The following TENM2 variants were observed in gnomAD, a reference collection of about 807,000 sequenced individuals.
The protein encoded by TENM2 is teneurin-2.
TENM2 carries 52 observed loss-of-function variants against 245.2 expected under a neutral mutation model. The observed-to-expected ratio is 0.21, with a 90% CI of 0.17 to 0.27. The LOEUF (loss-of-function observed/expected upper bound fraction) is 0.27. TENM2 is among the 10% of genes least tolerant of loss of function. TENM2 has a pLI of 1.00. For synonymous variants in TENM2, 1,363 were observed against 1,438.9 expected (o/e 0.95, Z 1.19); for missense variants, 3,046 against 3,666.8 (o/e 0.83, Z 4.37).
intron 9 of TENM2, among the ~76,000 whole-genome samples, chr5:168,107,865 A>C (rs1261613408): frequency 6.6e-6 from 1 of 152,234 alleles, no homozygotes; most frequent in African/African-American, 2.4e-5. Flanking sequence ...GCACCCTCAG[A>C]TATGACCCTG....
intron 5 of TENM2, among the ~76,000 whole-genome samples, chr5:168,038,991 C>T (rs2151996231): frequency 6.6e-6 from 1 of 152,214 alleles, no homozygotes; most frequent in South Asian, 2.1e-4. Flanking sequence ...AAATCCCAAC[C>T]CTCTCCTCCC....
At chr5:167,824,781 G>C (rs1371932200) in intron 2 of TENM2, among the ~76,000 whole-genome samples, 1 of 152,148 alleles carries the variant, frequency 6.6e-6, no homozygotes, top group Non-Finnish European at 1.5e-5. Flanking sequence ...CAACAGTATG[G>C]TTTATGTGAA....
In TENM2 at chr5:167,646,124, A is replaced by G. The variant is rs376976251; in HGVS notation, c.503-229862A>G. On this transcript the variant is annotated intron_variant, in intron 2 of 28. Coordinates refer to ENST00000518659, the Ensembl canonical transcript of TENM2. The stretch of plus-strand genomic sequence containing the variant: ...TATACACACACACATATATATGTGC[A>G]TATATATGTTTTTATATATATATGT... 2.2e-4 allele frequency among the ~76,000 whole-genome samples: 32 copies of G among 143,816 alleles called. No individual in the cohort carries two copies. The East Asian group carries it at 5.3e-3, about 24-fold the overall frequency. 94.3% of individuals were successfully genotyped at this position (143,816 alleles called of 152,430 possible).
chr5:167,134,703 A>G, the TENM2 span, among the ~76,000 whole-genome samples: 9 of 152,314 alleles, frequency 5.9e-5, no homozygotes, highest in Admixed American at 2.6e-4. Flanking sequence ...GTTTTATTGG[A>G]CAAACACAGT....
At chr5:167,725,359 A>G (rs1299997345) in intron 2 of TENM2, among the ~76,000 whole-genome samples, 1 of 152,194 alleles carries the variant, frequency 6.6e-6, no homozygotes, top group African/African-American at 2.4e-5. Flanking sequence ...TTGAAAGCCT[A>G]TGTGAATACC....
intron 2 of TENM2, among the ~76,000 whole-genome samples, chr5:167,578,929 G>T (rs535302799): frequency 8.4e-4 from 128 of 152,294 alleles, no homozygotes; most frequent in African/African-American, 2.9e-3. Context: ...GTACAATTAA[G>T]TAAGTAGAGT....
chr5:167,071,878 G>GCCCCCCCCCCCCCCCCCCCCCCCCCC, the TENM2 span, among the ~76,000 whole-genome samples: 16 of 124,018 alleles, frequency 1.3e-4, no homozygotes, highest in Admixed American at 2.8e-4. Flanking sequence ...TTGACAAATC[G>GCCCCCCCCCCCCCCCCCCCCCCCCCC]CCCCCCCCCG....
At chr5:167,197,860 A>G in the TENM2 span, among the ~76,000 whole-genome samples, 1 of 152,012 alleles carries the variant, frequency 6.6e-6, no homozygotes, top group African/African-American at 2.4e-5. Flanking sequence ...ATACATATAT[A>G]CATGTGTGTA....
intron 5 of TENM2, among the ~76,000 whole-genome samples, chr5:168,001,179 C>G (rs1453345859): frequency 1.3e-5 from 2 of 152,144 alleles, no homozygotes; most frequent in African/African-American, 4.8e-5. Flanking sequence ...TTTTTGGTTT[C>G]TTGATGTGGT....
chr5:167,034,034 G>A, the TENM2 span, among the ~76,000 whole-genome samples: 2 of 152,122 alleles, frequency 1.3e-5, no homozygotes, highest in Non-Finnish European at 2.9e-5. Flanking sequence ...TCTTTTGGAT[G>A]AAATATTTTT....
Position 167,418,598 on chromosome 5 carries a change from A to G in TENM2, c.502+43125A>G, listed in dbSNP as rs183106714. 8.0e-3 allele frequency among the ~76,000 whole-genome samples: 1,215 copies of G among 152,298 alleles called. 15 individuals are homozygous for G. The highest frequency in any genetic ancestry group is 0.028 in the African/African-American group (1,168 of 41,568). ...AGCCAGAACAATGAACAGGACATGA[A>G]CAATAAAGAATCTGTGACCAACAGG... On this transcript the variant is annotated intron_variant, in intron 2 of 28. Transcript: ENST00000518659.
intron 2 of TENM2, among the ~76,000 whole-genome samples, chr5:167,548,135 G>C (rs1772687095): frequency 6.6e-6 from 1 of 152,144 alleles, no homozygotes; most frequent in Non-Finnish European, 1.5e-5. Context: ...ACCCACCTCA[G>C]GGATTCAGTG....
chr5:167,652,378 TTTC>T (rs1003308764), intron 2 of TENM2, among the ~76,000 whole-genome samples: 1 of 152,182 alleles, frequency 6.6e-6, no homozygotes, highest in Non-Finnish European at 1.5e-5. Context: ...TTCCTTGCTT[TTTC>T]TTCTTCTTTA....
chr5:167,193,132 C>T, the TENM2 span, among the ~76,000 whole-genome samples: 189 of 152,042 alleles, frequency 1.2e-3, 1 homozygote, highest in African/African-American at 4.4e-3. Flanking sequence ...GTGTGGAAAA[C>T]GTTTAATATA....
At chr5:168,180,894 C>CTCCA (rs1400934927) in intron 13 of TENM2, among the ~76,000 whole-genome samples, 1 of 139,102 alleles carries the variant, frequency 7.2e-6, no homozygotes, top group Non-Finnish European at 1.6e-5. Flanking sequence ...AAAAGTGAGA[C>CTCCA]TCCATCTTAA....
chr5:168,090,148 T>A (rs1423573498), intron 7 of TENM2, among the ~76,000 whole-genome samples: 1 of 151,840 alleles, frequency 6.6e-6, no homozygotes, highest in African/African-American at 2.4e-5. Context: ...GGAAAAGTTA[T>A]ACTTTGCATA....
chr5:167,203,322 T>G, the TENM2 span, among the ~76,000 whole-genome samples: 3 of 152,178 alleles, frequency 2.0e-5, no homozygotes, highest in African/African-American at 7.2e-5. Context: ...ATACTCAGTG[T>G]TTTTCCAATA....
chr5:167,421,319 A>C (rs1264401267), intron 2 of TENM2, among the ~76,000 whole-genome samples: 1 of 152,206 alleles, frequency 6.6e-6, no homozygotes, highest in Non-Finnish European at 1.5e-5. Flanking sequence ...GTTCTGATAG[A>C]GTAGTCACTT....
chr5:168,125,952 G>A (rs1795818293), intron 11 of TENM2, among the ~76,000 whole-genome samples: 12 of 152,062 alleles, frequency 7.9e-5, no homozygotes, highest in Admixed American at 7.9e-4. Flanking sequence ...CCACTCCCCG[G>A]CCTGGTCTTC....
Sources: allele counts gnomAD v4.1 joint callset (sites outside exome capture counted in the v4.1 genomes callset), GRCh38; gene constraint gnomAD v4.1.1; transcripts MANE v1.5; gene names NCBI Gene and HGNC (gene_info 2026-07-23, HGNC 2026-07-21).